The following SLC6A20 variants were observed in gnomAD, a reference collection of about 807,000 sequenced individuals.
SLC6A20 encodes solute carrier family 6 member 20.
In SLC6A20, 73 loss-of-function variants were observed where a neutral mutation model predicts 64.3. The observed-to-expected ratio is 1.14, with a 90% CI of 0.94 to 1.38. The LOEUF is 1.38. SLC6A20 is among the 40% of genes most tolerant of loss of function. The pLI, the probability that SLC6A20 is intolerant of heterozygous loss-of-function variation, is 0.00. For missense variants in SLC6A20, 725 were observed against 772.8 expected, an observed-to-expected ratio of 0.94 and a Z score of 0.73; for synonymous variants, 347 against 329.6, an observed-to-expected ratio of 1.05 and a Z score of -0.57.
chr3:45,780,110 A>C lies in SLC6A20; in HGVS notation c.263-10T>G. 1 of 1,580,336 alleles carries C rather than the reference A, an allele frequency of 6.3e-7. No homozygotes were observed. Among genetic ancestry groups the C allele is most frequent in the Non-Finnish European group, 8.6e-7 (1 of 1,162,672 alleles). ...ACCACGCTGGCGACCCCTGCGAGGA[A>C]GCAGAGGGCCGCGCTGAGGACTGAG... On this transcript the variant is annotated splice_polypyrimidine_tract_variant and intron_variant, in intron 2 of 10. Coordinates refer to ENST00000358525, the MANE Select transcript of SLC6A20 (RefSeq NM_020208.4).
At position 45,758,862 on chromosome 3, in the gene SLC6A20, C is replaced by T; in HGVS notation, c.*116G>A. The stretch of plus-strand genomic sequence containing the variant: ...GCACACCTTCCTCATCTTCTTTAGA[C>T]ACTCAGGAAGTTGATGGGCTGAGCA... On this transcript the variant is annotated 3_prime_UTR_variant, in exon 11 of 11. Transcript: ENST00000358525. The T allele has an allele frequency of 7.1e-7, 1 of 1,406,852 alleles. No homozygotes were observed. Among genetic ancestry groups the T allele is most frequent in the Non-Finnish European group, 9.3e-7 (1 of 1,077,192 alleles). 87.1% of individuals were successfully genotyped at this position (1,406,852 alleles called of 1,614,324 possible). A position where few individuals can be genotyped will look rare whatever the true frequency, so the allele number is the denominator to read the frequency against.
chr3:45,765,494 G>C lies in SLC6A20; in HGVS notation c.1303+43C>G. On this transcript the variant is annotated intron_variant, in intron 8 of 10. Transcript: ENST00000358525. This position sits in a 1 kb window ranked among gnomAD's most constrained non-coding sequence, Gnocchi z 4.2. ...CTCCCCTGTTCACCCCCACGCCTTGGCCCTCCTGACCCCTGCCTCCTCCAC... is the reference window on the plus strand; with the variant it reads ...CTCCCCTGTTCACCCCCACGCCTTGCCCCTCCTGACCCCTGCCTCCTCCAC... 6.3e-7 allele frequency: 1 copy of C among 1,580,616 alleles called. No individual in the cohort carries two copies.
intron 7 of SLC6A20, 45 bp downstream of exon 7, chr3:45,770,164 G>A (rs749763923): frequency 4.3e-6 from 7 of 1,611,464 alleles, no homozygotes; most frequent in Non-Finnish European, 5.9e-6. Flanking sequence ...GTTCCCATGA[G>A]TGTGTGGAGA....
rs577175046 is a variant in SLC6A20 at position 45,775,902 on chromosome 3, G to A, written c.441C>T (p.Tyr147=). The change falls in exon 4 of 11, where the codon TAC becomes TAT. Residue 147 remains tyrosine, a synonymous_variant. Transcript: ENST00000358525. ...TATTGAGGGTTTTCCTGTACCAGAA[G>A]TACTGTGTGGAGGACGCCTTCTCAC... is the stretch of plus-strand genomic sequence containing the variant. ...EECEKASSTQ[Y]FWYRKTLNIS... is the part of the protein sequence containing the mutation. The A allele has an allele frequency of 6.2e-6, 10 of 1,614,242 alleles. No homozygotes were observed. The East Asian group carries it at 2.2e-4, about 36-fold the overall frequency.
At position 45,780,023 on chromosome 3, in the gene SLC6A20, A is replaced by G. The variant is rs1204555527; in HGVS notation, c.340T>C (p.Phe114Leu). The part of the protein sequence containing the change: ...VINAWAFWYL[F>L]HSFQDPLPWS... ...CCCCGGCTCACCTGGAAGGAGTGGA[A>G]GAGGTACCAGAAGGCCCAGGCGTTG... The change falls in exon 3 of 11, where the codon TTC becomes CTC. Residue 114 changes from phenylalanine to leucine, a missense_variant. Physicochemically the swap from Phe to Leu is conservative, Grantham distance 22 (BLOSUM62 0). Transcript: ENST00000358525. 2 of 1,603,454 alleles carry G rather than the reference A, an allele frequency of 1.2e-6. No individual in the cohort carries two copies. Among genetic ancestry groups the G allele is most frequent in the Non-Finnish European group, 1.7e-6 (2 of 1,174,866 alleles).
intron 9 of SLC6A20, among the ~76,000 whole-genome samples, chr3:45,760,660 C>A (rs1008076597): frequency 2.6e-5 from 4 of 152,214 alleles, no homozygotes; most frequent in Non-Finnish European, 5.9e-5. Context: ...GCTCTCTTTT[C>A]CCTCTTCTTT....
chr3:45,793,532 T>C (rs2125659767), intron 1 of SLC6A20, among the ~76,000 whole-genome samples: 1 of 151,942 alleles, frequency 6.6e-6, no homozygotes, highest in Admixed American at 6.6e-5. Flanking sequence ...TGTACAGAGA[T>C]GATTGGTACC....
intron 1 of SLC6A20, among the ~76,000 whole-genome samples, chr3:45,788,922 A>T (rs923302745): frequency 6.6e-6 from 1 of 152,256 alleles, no homozygotes; most frequent in Non-Finnish European, 1.5e-5. Flanking sequence ...TAAACCAACA[A>T]AACAGAATCA....
At chr3:45,787,496 G>C (rs1469135860) in intron 1 of SLC6A20, among the ~76,000 whole-genome samples, 1 of 152,158 alleles carries the variant, frequency 6.6e-6, no homozygotes, top group Non-Finnish European at 1.5e-5. Flanking sequence ...TAGCAAGGAA[G>C]CTCTCCTCTT....
chr3:45,769,925 T>G (rs147680441), intron 7 of SLC6A20, among the ~76,000 whole-genome samples: 27 of 152,338 alleles, frequency 1.8e-4, no homozygotes, highest in African/African-American at 5.5e-4. Context: ...TATGGGTGTT[T>G]GTTATTCTCT....
At chr3:45,787,769 G>A (rs747350794) in intron 1 of SLC6A20, among the ~76,000 whole-genome samples, 34 of 152,170 alleles carry the variant, frequency 2.2e-4, no homozygotes, top group Non-Finnish European at 4.0e-4. Context: ...GGGTAGAGAT[G>A]GGATCTGCAT....
rs369925713 is a variant in SLC6A20, at chr3:45,779,997, C to A, written c.354+12G>T. The A allele has an allele frequency of 2.1e-4, 337 of 1,591,916 alleles. No homozygotes were observed. The highest frequency in any genetic ancestry group is 2.1e-4 in the Non-Finnish European group (245 of 1,168,756). ...CTCCTACTCCTGTTCTGGCACGGGC[C>A]CCCCGGCTCACCTGGAAGGAGTGGA... On this transcript the variant is annotated intron_variant, in intron 3 of 10. Transcript: ENST00000358525.
At position 45,765,178 on chromosome 3, in the gene SLC6A20, A is replaced by G. The variant is rs1004239570; in HGVS notation, c.1303+359T>C. 6.6e-6 allele frequency among the ~76,000 whole-genome samples: 1 copy of G among 152,066 alleles called. No homozygotes were observed. Among genetic ancestry groups the G allele is most frequent in the Non-Finnish European group, 1.5e-5 (1 of 68,006 alleles). ...CAGTGAGCCAAGATCACGCCACTGA[A>G]CTCCAGCCTGGGCAACAGAGCGAGA... On this transcript the variant is annotated intron_variant, in intron 8 of 10. Coordinates refer to ENST00000358525, the MANE Select transcript of SLC6A20 (RefSeq NM_020208.4). This position sits in a 1 kb window ranked among gnomAD's most constrained non-coding sequence, Gnocchi z 4.2.
chr3:45,767,596 A>G (rs1308512313), intron 7 of SLC6A20, among the ~76,000 whole-genome samples: 2 of 152,226 alleles, frequency 1.3e-5, no homozygotes, highest in African/African-American at 2.4e-5. Flanking sequence ...AAGTTCCAAA[A>G]GGAGAAAAAT....
intron 9 of SLC6A20, 26 bp downstream of exon 9, chr3:45,762,887 C>A (rs1486653210): frequency 1.2e-6 from 2 of 1,612,248 alleles, no homozygotes; most frequent in Admixed American, 1.7e-5. Flanking sequence ...TTTCCCTATG[C>A]AAATGAGGGT....
In SLC6A20 at chr3:45,758,807, T is replaced by G. The variant is rs1575421861; in HGVS notation, c.*171A>C. On this transcript the variant is annotated 3_prime_UTR_variant, in exon 11 of 11. Coordinates refer to ENST00000358525, the MANE Select transcript of SLC6A20 (RefSeq NM_020208.4). The stretch of plus-strand genomic sequence containing the variant: ...GGGAGGAACAGCCACCACGGGAGGG[T>G]GTGCGTTCTCCCAAGGGAGTTTTCT... 7.4e-7 allele frequency: 1 copy of G among 1,349,834 alleles called. No homozygotes were observed. The highest frequency in any genetic ancestry group is 9.5e-7 in the Non-Finnish European group (1 of 1,049,918). 83.6% of individuals were successfully genotyped at this position (1,349,834 alleles called of 1,614,324 possible).
At position 45,758,182 on chromosome 3, in the gene SLC6A20, G is replaced by T. The variant is rs556980834; in HGVS notation, c.*796C>A. 3.7e-4 allele frequency: 74 copies of T among 201,838 alleles called. No individual in the cohort carries two copies. Among genetic ancestry groups the T allele is most frequent in the Non-Finnish European group, 6.1e-4 (59 of 97,310 alleles). 12.5% of individuals were successfully genotyped at this position (201,838 alleles called of 1,614,324 possible). The stretch of plus-strand genomic sequence containing the variant: ...ATCCACCCACCTTGACCCCCAAGGT[G>T]CTAGGATTACAGGCGTGAGCCACCG... On this transcript the variant is annotated 3_prime_UTR_variant, in exon 11 of 11. Coordinates refer to ENST00000358525, the MANE Select transcript of SLC6A20 (RefSeq NM_020208.4).
chr3:45,762,989 A>G lies in SLC6A20; in HGVS notation c.1387T>C (p.Tyr463His). 1 of 1,614,154 alleles carries G rather than the reference A, an allele frequency of 6.2e-7. No homozygotes were observed. Among genetic ancestry groups the G allele is most frequent in the Non-Finnish European group, 8.5e-7 (1 of 1,180,024 alleles). The change falls in exon 9 of 11, where the codon TAC (tyrosine) becomes CAC (histidine). Residue 463 changes from tyrosine to histidine, a missense_variant. Tyr to His is a moderately conservative substitution (Grantham distance 83). Transcript: ENST00000358525. ...AGCAGCAGGGACAGTGTGGCCGCGT[A>G]GTCGTTGAATATGTCAAACCAGTAG... ...GNYWFDIFND[Y>H]AATLSLLLIV...
At chr3:45,759,212 A>T in intron 10 of SLC6A20, 85 bp from the exon 11 acceptor site, 1 of 1,414,980 alleles carries the variant, frequency 7.1e-7, no homozygotes, top group South Asian at 1.5e-5. Flanking sequence ...TGGGGAGGTG[A>T]TGTGACGTGG....
Sources: allele counts gnomAD v4.1 joint callset (sites outside exome capture counted in the v4.1 genomes callset), GRCh38; gene constraint gnomAD v4.1.1; non-coding constraint Gnocchi (gnomAD v3.1); transcripts MANE v1.5; gene names NCBI Gene and HGNC (gene_info 2026-07-23, HGNC 2026-07-21).